COMMD6: variants seen among roughly 807,000 people sequenced by gnomAD.
COMMD6 encodes COMM domain containing 6, also known as COMM domain-containing protein 6.
In COMMD6, 11 loss-of-function variants were observed where a neutral mutation model predicts 13.4. The observed-to-expected ratio is 0.82, with a 90% confidence interval of 0.52 to 1.36. COMMD6 has a LOEUF of 1.36. COMMD6 is among the 40% of genes most tolerant of loss of function. The pLI is 0.00. For missense variants in COMMD6, 124 were observed against 102.4 expected, an observed-to-expected ratio of 1.21 and a Z score of -0.91; for synonymous variants, 43 against 36.5, an observed-to-expected ratio of 1.18 and a Z score of -0.64.
intron 2 of COMMD6, among the ~76,000 whole-genome samples, chr13:75,535,823 G>A (rs919119308): frequency 6.6e-6 from 1 of 152,088 alleles, no homozygotes; most frequent in Non-Finnish European, 1.5e-5. Context: ...AAAGTCTACC[G>A]CTTTTTGTAA....
intron 1 of COMMD6, among the ~76,000 whole-genome samples, chr13:75,548,316 G>T (rs1466380126): frequency 6.6e-6 from 1 of 152,212 alleles, no homozygotes; most frequent in Admixed American, 6.5e-5. Context: ...TAACGATGAA[G>T]AGGAGTTAAG....
At chr13:75,537,642 G>A in intron 2 of COMMD6, 22 bp downstream of exon 2, 1 of 1,613,820 alleles carries the variant, frequency 6.2e-7, no homozygotes, top group Non-Finnish European at 8.5e-7. Flanking sequence ...CGGAGGACAG[G>A]GCGGGGCGGC....
At chr13:75,538,116 A>G (rs2030748435), upstream of COMMD6, among the ~76,000 whole-genome samples, 1 of 152,136 alleles carries the variant, frequency 6.6e-6, no homozygotes, top group South Asian at 2.1e-4. Context: ...TCCAGACTGG[A>G]GCGGGGCGGG....
At chr13:75,534,975 G>C (rs1843421132) in intron 2 of COMMD6, among the ~76,000 whole-genome samples, 1 of 152,224 alleles carries the variant, frequency 6.6e-6, no homozygotes, top group Non-Finnish European at 1.5e-5. Flanking sequence ...TTCTAGTGGG[G>C]AAGGCAGACA....
chr13:75,530,507 GA>G (rs796782481), intron 2 of COMMD6: 4,376 of 257,066 alleles, frequency 0.017, no homozygotes, highest in Middle Eastern at 0.029. Context: ...AACAAAAAGT[GA>G]AAAAAAAAAA....
At chr13:75,543,530 T>C (rs546457272), upstream of COMMD6, among the ~76,000 whole-genome samples, 21 of 152,356 alleles carry the variant, frequency 1.4e-4, no homozygotes, top group African/African-American at 5.0e-4. Context: ...TAATTTGTTA[T>C]AGCAGCAGTA....
intron 2 of COMMD6, among the ~76,000 whole-genome samples, chr13:75,532,115 C>T (rs567403315): frequency 6.6e-6 from 1 of 152,278 alleles, no homozygotes; most frequent in South Asian, 2.1e-4. Flanking sequence ...TATGCCTATC[C>T]TTTTGGGGTG....
chr13:75,547,508 A>G (rs2030922697), intron 1 of COMMD6, among the ~76,000 whole-genome samples: 1 of 152,246 alleles, frequency 6.6e-6, no homozygotes, highest in Non-Finnish European at 1.5e-5. Flanking sequence ...AGATTAAAAA[A>G]TTAGAACCAG....
At chr13:75,543,636 A>G (rs2030858849), upstream of COMMD6, among the ~76,000 whole-genome samples, 1 of 152,230 alleles carries the variant, frequency 6.6e-6, no homozygotes, top group African/African-American at 2.4e-5. Flanking sequence ...CAGCTGTGTG[A>G]TATCATTCAA....
chr13:75,532,454 C>G (rs1437645314), intron 2 of COMMD6, among the ~76,000 whole-genome samples: 1 of 152,176 alleles, frequency 6.6e-6, no homozygotes. Flanking sequence ...AAATGCACAC[C>G]TAGCAAAGAA....
At chr13:75,532,769 T>C (rs982865663) in intron 2 of COMMD6, among the ~76,000 whole-genome samples, 2 of 152,182 alleles carry the variant, frequency 1.3e-5, no homozygotes, top group Admixed American at 1.3e-4. Context: ...AAAAATAAAG[T>C]TGACAAGTGA....
upstream of COMMD6, among the ~76,000 whole-genome samples, chr13:75,540,710 T>G (rs931666043): frequency 6.6e-6 from 1 of 152,226 alleles, no homozygotes; most frequent in East Asian, 1.9e-4. Context: ...AATGCTAATA[T>G]TAAAAATGCA....
chr13:75,535,090 C>T (rs2030616433), intron 2 of COMMD6, among the ~76,000 whole-genome samples: 1 of 152,158 alleles, frequency 6.6e-6, no homozygotes, highest in Non-Finnish European at 1.5e-5. Flanking sequence ...GGGACGACCT[C>T]TTTCATGCGG....
chr13:75,540,555 G>A (rs2030812893), upstream of COMMD6, among the ~76,000 whole-genome samples: 1 of 152,090 alleles, frequency 6.6e-6, no homozygotes, highest in Non-Finnish European at 1.5e-5. Context: ...AGAGTAAAAT[G>A]TCATTAGAGT....
At chr13:75,542,018 A>T (rs977828988), upstream of COMMD6, among the ~76,000 whole-genome samples, 1 of 152,230 alleles carries the variant, frequency 6.6e-6, no homozygotes, top group Non-Finnish European at 1.5e-5. Flanking sequence ...TTTAATGGAA[A>T]AATGAGGATG....
intron 1 of COMMD6, among the ~76,000 whole-genome samples, chr13:75,547,093 A>AT (rs2030915651): frequency 6.6e-6 from 1 of 152,156 alleles, no homozygotes; most frequent in Admixed American, 6.5e-5. Context: ...TAATATGTGT[A>AT]TTTTCTCTGT....
At chr13:75,529,081 G>C (rs1034084891) in intron 3 of COMMD6, among the ~76,000 whole-genome samples, 2 of 152,066 alleles carry the variant, frequency 1.3e-5, no homozygotes, top group African/African-American at 4.8e-5. Flanking sequence ...TGCTGTTTAA[G>C]TACTAAGTGT....
At chr13:75,543,578 G>A (rs564676083), upstream of COMMD6, among the ~76,000 whole-genome samples, 2 of 152,296 alleles carry the variant, frequency 1.3e-5, no homozygotes, top group Admixed American at 6.5e-5. Flanking sequence ...TGAGTGCTGC[G>A]ATCTTGACAG....
upstream of COMMD6, among the ~76,000 whole-genome samples, chr13:75,542,117 G>A (rs887482596): frequency 1.3e-5 from 2 of 152,316 alleles, no homozygotes; most frequent in African/African-American, 4.8e-5. Context: ...GGCAGTTGCT[G>A]GGCAGATGAC....
Sources: allele counts gnomAD v4.1 joint callset (sites outside exome capture counted in the v4.1 genomes callset), GRCh38; gene constraint gnomAD v4.1.1; transcripts MANE v1.5; gene names NCBI Gene and HGNC (gene_info 2026-07-23, HGNC 2026-07-21).